The following WDR33 variants were observed in gnomAD, a reference collection of about 807,000 sequenced individuals.
The protein encoded by WDR33 is pre-mRNA 3' end processing protein WDR33.
Under a neutral mutation model 164.9 loss-of-function variants are expected in WDR33, and 47 were observed. The observed-to-expected ratio is 0.29, with a 90% CI of 0.23 to 0.36. The LOEUF is 0.36. WDR33 is among the 10% of genes least tolerant of loss of function. WDR33 has a pLI of 1.00. For synonymous variants in WDR33, 505 were observed against 589.0 expected (o/e 0.86, Z 2.06); for missense variants, 1,137 against 1,754.1 (o/e 0.65, Z 6.28).
chr2:127,762,836 G>T (rs1265153382), intron 7 of WDR33: 5 of 1,346,938 alleles, frequency 3.7e-6, no homozygotes, highest in Non-Finnish European at 3.8e-6. Flanking sequence ...AGGCACTCTT[G>T]TATTTAATTT....
At chr2:127,744,746 T>C (rs1198502047) in intron 7 of WDR33, among the ~76,000 whole-genome samples, 1 of 151,750 alleles carries the variant, frequency 6.6e-6, no homozygotes, top group Non-Finnish European at 1.5e-5. Flanking sequence ...CACCCTTACA[T>C]TCCCCAGTAC....
chr2:127,711,778 ATATTTT>A (rs1271810479), intron 18 of WDR33, among the ~76,000 whole-genome samples: 1 of 93,054 alleles, frequency 1.1e-5, no homozygotes, highest in African/African-American at 5.9e-5. Context: ...ATATATATAT[ATATTTT>A]TTTTTTGAGA....
intron 18 of WDR33, among the ~76,000 whole-genome samples, chr2:127,711,424 C>CAAAAAAAAAAAAAAAAAA (rs1197934586): frequency 1.9e-5 from 1 of 53,774 alleles, no homozygotes; most frequent in Non-Finnish European, 3.8e-5. Flanking sequence ...GATTCCCTCT[C>CAAAAAAAAAAAAAAAAAA]AAAAAAAAAA....
chr2:127,800,465 T>C (rs186016270), intron 1 of WDR33, among the ~76,000 whole-genome samples: 2 of 151,998 alleles, frequency 1.3e-5, no homozygotes, highest in Non-Finnish European at 2.9e-5. Flanking sequence ...AAACCCCGTC[T>C]CTGTTAAAAA....
rs1201664053 is a variant in WDR33, at chr2:127,779,975, A to ATTTTTTTT, written c.-23-8979_-23-8972dup. Among the ~76,000 whole-genome samples, 17 of 142,728 alleles carry ATTTTTTTT rather than the reference A, an allele frequency of 1.2e-4. 1 individual carries two copies. The highest frequency in any genetic ancestry group is 3.9e-4 in the African/African-American group (15 of 38,572). 93.6% of individuals were successfully genotyped at this position (142,728 alleles called of 152,430 possible). On this transcript the variant is annotated intron_variant, in intron 1 of 21. Transcript: ENST00000322313. ...TAAAAATAATAAAAAGGTTTTTTTG[A>ATTTTTTTT]TTTTTTTTTTTTTTTTGAGACGGAG...
intron 1 of WDR33, among the ~76,000 whole-genome samples, chr2:127,804,145 C>A (rs960666130): frequency 1.3e-5 from 2 of 151,908 alleles, no homozygotes; most frequent in African/African-American, 4.8e-5. Context: ...CACGGTGAAA[C>A]CCTGTCTCTA....
chr2:127,779,585 A>G (rs1033101383), intron 1 of WDR33, among the ~76,000 whole-genome samples: 3 of 152,246 alleles, frequency 2.0e-5, no homozygotes. Context: ...CAATATTTAC[A>G]AAGTATTTTC....
chr2:127,725,028 G>C (rs773055631), intron 9 of WDR33, 33 bp downstream of exon 9: 1 of 1,614,154 alleles, frequency 6.2e-7, no homozygotes, highest in Non-Finnish European at 8.5e-7. Context: ...ACAGGTAACA[G>C]TGGTCAATGA....
intron 7 of WDR33, among the ~76,000 whole-genome samples, chr2:127,761,055 A>C (rs1009688444): frequency 1.1e-4 from 17 of 152,214 alleles, no homozygotes; most frequent in African/African-American, 4.1e-4. Flanking sequence ...ATTCATTACC[A>C]AAATTGAATA....
chr2:127,756,891 C>T (rs1267552583), intron 7 of WDR33, among the ~76,000 whole-genome samples: 1 of 152,024 alleles, frequency 6.6e-6, no homozygotes, highest in Admixed American at 6.6e-5. Flanking sequence ...GCCTGTCCAA[C>T]ATGGTGAAAG....
chr2:127,806,047 G>A (rs898959236), intron 1 of WDR33, among the ~76,000 whole-genome samples: 5 of 151,686 alleles, frequency 3.3e-5, no homozygotes, highest in African/African-American at 1.2e-4. Flanking sequence ...GGGAGGTTGA[G>A]GCTGCAGTGA....
At chr2:127,796,771 T>C (rs2104669036) in intron 1 of WDR33, among the ~76,000 whole-genome samples, 1 of 152,196 alleles carries the variant, frequency 6.6e-6, no homozygotes, top group East Asian at 1.9e-4. Flanking sequence ...GTCTTTGTAT[T>C]TCGGTCTCCT....
Position 127,726,539 on chromosome 2 carries a change from T to C in WDR33, c.851+112A>G. 7.2e-7 allele frequency: 1 copy of C among 1,389,776 alleles called. No individual in the cohort carries two copies. The highest frequency in any genetic ancestry group is 9.7e-7 in the Non-Finnish European group (1 of 1,029,156). The allele number at this position is 1,389,776 out of a possible 1,614,324, so 86.1% of individuals were successfully genotyped here. ...AGTCTATAGATCCAAGTCCATCTGT[T>C]GCCTAAATGACTCTTCCAGAAATAC... On this transcript the variant is annotated intron_variant, in intron 8 of 21. Coordinates refer to ENST00000322313, the MANE Select transcript of WDR33 (RefSeq NM_018383.5). This position sits in a 1 kb window ranked among gnomAD's most constrained non-coding sequence, Gnocchi z 4.8.
chr2:127,738,131 G>T lies in WDR33; in HGVS notation c.725-11354C>A. The T allele has an allele frequency of 7.2e-7, 1 of 1,383,690 alleles. No individual in the cohort carries two copies. Among genetic ancestry groups the T allele is most frequent in the South Asian group, 1.5e-5 (1 of 67,256 alleles). The allele number at this position is 1,383,690 out of a possible 1,614,324, so 85.7% of individuals were successfully genotyped here. On this transcript the variant is annotated intron_variant, in intron 7 of 21. Coordinates refer to ENST00000322313, the MANE Select transcript of WDR33 (RefSeq NM_018383.5). This position sits in a 1 kb window ranked among gnomAD's most constrained non-coding sequence, Gnocchi z 4.4. ...TCTATCACATGAGCCCTGGCAGATT[G>T]TGTAATTTCCAGATATGACTGAGAT...
chr2:127,767,465 G>C (rs745377531), intron 4 of WDR33, among the ~76,000 whole-genome samples: 39 of 152,158 alleles, frequency 2.6e-4, no homozygotes, highest in Non-Finnish European at 4.6e-4. Flanking sequence ...TGTAATCCCA[G>C]CACTTTGGGA....
At chr2:127,791,980 C>T (rs1291667703) in intron 1 of WDR33, among the ~76,000 whole-genome samples, 1 of 151,724 alleles carries the variant, frequency 6.6e-6, no homozygotes, top group African/African-American at 2.4e-5. Context: ...ATGCTGTCAC[C>T]CAGGCTGGAG....
In WDR33 at chr2:127,705,547, C is replaced by CTCA. The variant is rs1314738817; in HGVS notation, c.*773_*775dup. On this transcript the variant is annotated 3_prime_UTR_variant, in exon 22 of 22. Coordinates refer to ENST00000322313, the MANE Select transcript of WDR33 (RefSeq NM_018383.5). The surrounding 1 kb of genome is among the most constrained non-coding windows in gnomAD (Gnocchi z 4.5). ...TTCTGACTAACATCAAGTTCCTCTCCTCATCATAACAAGGCGATTCAAACC... is the reference window on the plus strand; with the variant it reads ...TTCTGACTAACATCAAGTTCCTCTCCTCATCATCATAACAAGGCGATTCAAACC... The CTCA allele has an allele frequency of 6.6e-6, 1 of 152,182 alleles. No individual in the cohort carries two copies. Among genetic ancestry groups the CTCA allele is most frequent in the African/African-American group, 2.4e-5 (1 of 41,430 alleles). The allele number at this position is 152,182 out of a possible 1,614,324, so 9.4% of individuals were successfully genotyped here.
At chr2:127,715,872 G>T (rs1686287384) in intron 17 of WDR33, among the ~76,000 whole-genome samples, 1 of 152,136 alleles carries the variant, frequency 6.6e-6, no homozygotes, top group East Asian at 1.9e-4. Context: ...GGGATGGCAG[G>T]GCCACTTTCT....
intron 1 of WDR33, 131 bp from the exon 2 acceptor site, chr2:127,771,135 A>C (rs1687989168): frequency 1.4e-6 from 1 of 718,702 alleles, no homozygotes; most frequent in South Asian, 1.9e-5. Flanking sequence ...TACACAATGA[A>C]CTACAGTCAT....
Sources: allele counts gnomAD v4.1 joint callset (sites outside exome capture counted in the v4.1 genomes callset), GRCh38; gene constraint gnomAD v4.1.1; non-coding constraint Gnocchi (gnomAD v3.1); transcripts MANE v1.5; gene names NCBI Gene and HGNC (gene_info 2026-07-23, HGNC 2026-07-21).